The following MCHR2 variants were observed in gnomAD, a reference collection of about 807,000 sequenced individuals.
MCHR2 encodes melanin-concentrating hormone receptor 2.
MCHR2 carries 15 observed loss-of-function variants against 24.8 expected under a neutral mutation model. The observed-to-expected ratio is 0.60, with a 90% confidence interval of 0.40 to 0.93. MCHR2 has a LOEUF of 0.93. Ranked by LOEUF, MCHR2 falls within the 40% of genes least tolerant of loss-of-function variation. The probability of loss-of-function intolerance (pLI) is 0.00; values close to 1 mark genes in which losing one functional copy is unlikely to be tolerated. For missense variants in MCHR2, 386 were observed against 408.7 expected, an observed-to-expected ratio of 0.94 and a Z score of 0.48; for synonymous variants, 151 against 147.6, an observed-to-expected ratio of 1.02 and a Z score of -0.17.
chr6:99,930,311 T>C (rs971704773), intron 5 of MCHR2, among the ~76,000 whole-genome samples: 1 of 152,318 alleles, frequency 6.6e-6, no homozygotes, highest in Non-Finnish European at 1.5e-5. Context: ...CTGACTATTA[T>C]GTGTCTTGGA....
intron 1 of MCHR2, among the ~76,000 whole-genome samples, chr6:99,967,776 C>T (rs548065918): frequency 6.6e-6 from 1 of 152,140 alleles, no homozygotes; most frequent in East Asian, 1.9e-4. Flanking sequence ...CATTTGCTCT[C>T]CAAGTTATGT....
intron 1 of MCHR2, among the ~76,000 whole-genome samples, chr6:99,984,648 CA>C (rs1455219213): frequency 1.3e-4 from 20 of 151,862 alleles, no homozygotes; most frequent in South Asian, 6.2e-4. Context: ...TAAAAAACCT[CA>C]AAAAACTAGG....
intron 5 of MCHR2, among the ~76,000 whole-genome samples, chr6:99,925,308 T>G (rs1453120868): frequency 6.6e-6 from 1 of 152,122 alleles, no homozygotes; most frequent in Non-Finnish European, 1.5e-5. Context: ...AGTGTGTTTC[T>G]TGAAGGCAAT....
chr6:99,970,574 C>G (rs1267530452), intron 1 of MCHR2, among the ~76,000 whole-genome samples: 3 of 152,154 alleles, frequency 2.0e-5, no homozygotes, highest in Admixed American at 1.3e-4. Flanking sequence ...AATTAGATCC[C>G]ATTTGTCAAT....
intron 1 of MCHR2, among the ~76,000 whole-genome samples, chr6:99,967,440 C>T (rs1775314882): frequency 6.6e-6 from 1 of 152,104 alleles, no homozygotes; most frequent in Admixed American, 6.6e-5. Flanking sequence ...AAAGACCTAA[C>T]AGATGATGAG....
At chr6:99,934,020 A>G (rs968201653) in intron 5 of MCHR2, among the ~76,000 whole-genome samples, 1 of 152,118 alleles carries the variant, frequency 6.6e-6, no homozygotes, top group East Asian at 1.9e-4. Context: ...AATTAAAAAA[A>G]TTGAAACACA....
At chr6:99,956,870 G>A (rs991341630) in intron 1 of MCHR2, among the ~76,000 whole-genome samples, 2 of 152,056 alleles carry the variant, frequency 1.3e-5, no homozygotes, top group African/African-American at 2.4e-5. Context: ...TATCATCTAA[G>A]TCTGGTATTT....
At chr6:99,971,486 G>C (rs941940659) in intron 1 of MCHR2, among the ~76,000 whole-genome samples, 1 of 152,150 alleles carries the variant, frequency 6.6e-6, no homozygotes, top group Non-Finnish European at 1.5e-5. Context: ...TTTCTAGATA[G>C]ACAATCACGA....
chr6:99,951,529 C>A (rs986055182), intron 2 of MCHR2, among the ~76,000 whole-genome samples: 3 of 152,116 alleles, frequency 2.0e-5, no homozygotes, highest in Admixed American at 6.6e-5. Flanking sequence ...CTTAGGCAAG[C>A]GATTCAACTT....
At chr6:99,981,954 C>A (rs911836158) in intron 1 of MCHR2, among the ~76,000 whole-genome samples, 1 of 152,166 alleles carries the variant, frequency 6.6e-6, no homozygotes, top group Non-Finnish European at 1.5e-5. Context: ...GTAAGCTCAA[C>A]ACAATGCTTG....
Position 99,927,511 on chromosome 6 carries a change from T to C in MCHR2, c.708-6256A>G, listed in dbSNP as rs140674916. 6.5e-4 allele frequency among the ~76,000 whole-genome samples: 99 copies of C among 152,298 alleles called. 1 individual carries two copies. The highest frequency in any genetic ancestry group is 2.0e-3 in the African/African-American group (85 of 41,558). ...TTTCTTTGTATCCTCTTTTATTTCA[T>C]TGGGCAGTGGTTTGTAGCTCTCCTT... On this transcript the variant is annotated intron_variant, in intron 5 of 5. Coordinates refer to ENST00000281806, the MANE Select transcript of MCHR2 (RefSeq NM_001040179.2).
intron 2 of MCHR2, among the ~76,000 whole-genome samples, chr6:99,953,492 A>G (rs1167522125): frequency 6.6e-6 from 1 of 151,942 alleles, no homozygotes; most frequent in Admixed American, 6.6e-5. Context: ...TTAACTCTCT[A>G]CTCAGCACTA....
chr6:99,993,308 AAC>A (rs1261639386), intron 1 of MCHR2, among the ~76,000 whole-genome samples: 1 of 152,154 alleles, frequency 6.6e-6, no homozygotes, highest in African/African-American at 2.4e-5. Flanking sequence ...GCCGCTAACT[AAC>A]TTCCCTAGGG....
intron 2 of MCHR2, among the ~76,000 whole-genome samples, chr6:99,948,605 G>T (rs1774917108): frequency 6.6e-6 from 1 of 152,120 alleles, no homozygotes; most frequent in South Asian, 2.1e-4. Context: ...CTGAATCCAT[G>T]ACCATTGGAC....
At chr6:99,944,360 G>T (rs926147521) in intron 3 of MCHR2, among the ~76,000 whole-genome samples, 11 of 152,148 alleles carry the variant, frequency 7.2e-5, no homozygotes, top group Non-Finnish European at 1.6e-4. Context: ...GGGAGCTGGG[G>T]GTGGTGGAGG....
chr6:99,974,391 G>A (rs1316606222), intron 1 of MCHR2, among the ~76,000 whole-genome samples: 1 of 152,152 alleles, frequency 6.6e-6, no homozygotes, highest in African/African-American at 2.4e-5. Context: ...TAGTTCTCAA[G>A]CCTTGGCTTC....
chr6:99,993,533 C>T (rs1775926126), intron 1 of MCHR2, among the ~76,000 whole-genome samples: 1 of 152,138 alleles, frequency 6.6e-6, no homozygotes, highest in South Asian at 2.1e-4. Context: ...CCAGTGATCG[C>T]CTCCTCGCCT....
intron 1 of MCHR2, among the ~76,000 whole-genome samples, chr6:99,973,893 T>C (rs1775490952): frequency 6.6e-6 from 1 of 152,214 alleles, no homozygotes; most frequent in Admixed American, 6.5e-5. Flanking sequence ...TGGCCCCCAC[T>C]CTCTTCTGGC....
At chr6:99,960,804 C>T (rs931396448) in intron 1 of MCHR2, among the ~76,000 whole-genome samples, 11 of 152,218 alleles carry the variant, frequency 7.2e-5, no homozygotes, top group East Asian at 1.9e-4. Flanking sequence ...TGGACCCCTT[C>T]GTTACACCTT....
Sources: allele counts gnomAD v4.1 joint callset (sites outside exome capture counted in the v4.1 genomes callset), GRCh38; gene constraint gnomAD v4.1.1; transcripts MANE v1.5; gene names NCBI Gene and HGNC (gene_info 2026-07-23, HGNC 2026-07-21).